Variants in USH2A observed in about 807,000 individuals in gnomAD.
The protein encoded by USH2A is Usher syndrome 2A (autosomal recessive, mild).
In USH2A, 443 loss-of-function variants were observed where a neutral mutation model predicts 538.9. The observed-to-expected ratio is 0.82, with a 90% confidence interval of 0.76 to 0.89. USH2A has a LOEUF of 0.89. Ranked by LOEUF, USH2A falls within the 40% of genes least tolerant of loss-of-function variation. The pLI is 0.00. For synonymous variants in USH2A, 2,413 were observed against 2,273.5 expected, an observed-to-expected ratio of 1.06 and a Z score of -1.75; for missense variants, 6,633 against 6,324.8, an observed-to-expected ratio of 1.05 and a Z score of -1.65.
chr1:216,235,459 T>G (rs2035789904), intron 13 of USH2A, among the ~76,000 whole-genome samples: 1 of 152,206 alleles, frequency 6.6e-6, no homozygotes, highest in South Asian at 2.1e-4. Flanking sequence ...TTTCCCATAT[T>G]ATTTAGCTGA....
chr1:216,023,370 G>T lies in USH2A; in HGVS notation c.6326-22808C>A, dbSNP rs78028600. Among the ~76,000 whole-genome samples, 507 of 142,354 alleles carry T rather than the reference G, an allele frequency of 3.6e-3. 2 individuals are homozygous for T. Among genetic ancestry groups the T allele is most frequent in the African/African-American group, 0.012 (471 of 38,374 alleles). 93.4% of individuals were successfully genotyped at this position (142,354 alleles called of 152,430 possible). ...AATACAGTTTGTAGGTGATAAAAGA[G>T]ACAGGAGATTTGGGTCTCTTTCTCC... On this transcript the variant is annotated intron_variant, in intron 32 of 71. Coordinates refer to ENST00000307340, the MANE Select transcript of USH2A (RefSeq NM_206933.4).
chr1:215,903,107 G>A (rs149925178), intron 38 of USH2A, among the ~76,000 whole-genome samples: 1 of 152,140 alleles, frequency 6.6e-6, no homozygotes, highest in African/African-American at 2.4e-5. Flanking sequence ...AACTGAGAAG[G>A]TGCAGACTGG....
chr1:215,741,566 T>G (rs752977169), intron 59 of USH2A, 29 bp from the exon 60 acceptor site: 29 of 1,609,250 alleles, frequency 1.8e-5, no homozygotes, highest in Non-Finnish European at 2.4e-5. Flanking sequence ...GAGGTCTTTA[T>G]TATTTTTCAA....
intron 3 of USH2A, among the ~76,000 whole-genome samples, chr1:216,387,748 A>G (rs144851480): frequency 1.3e-5 from 2 of 152,304 alleles, no homozygotes; most frequent in Non-Finnish European, 2.9e-5. Context: ...AATGTGTCAC[A>G]GGGTTTTTAA....
chr1:216,003,677 G>C (rs1175763924), intron 32 of USH2A, among the ~76,000 whole-genome samples: 1 of 152,084 alleles, frequency 6.6e-6, no homozygotes, highest in Non-Finnish European at 1.5e-5. Context: ...GTAAGTTAGA[G>C]ATGATATTAG....
intron 45 of USH2A, among the ~76,000 whole-genome samples, chr1:215,844,880 CA>C (rs1048827601): frequency 2.8e-4 from 43 of 152,080 alleles, no homozygotes; most frequent in African/African-American, 9.6e-4. Context: ...GCTCCTTGAG[CA>C]AAAAATAAAA....
At chr1:216,093,521 C>T (rs2032355835) in intron 22 of USH2A, among the ~76,000 whole-genome samples, 2 of 152,136 alleles carry the variant, frequency 1.3e-5, no homozygotes, top group African/African-American at 4.8e-5. Flanking sequence ...AACAACTAGA[C>T]CTGCCAGATG....
At chr1:216,347,410 A>G (rs2038199306) in intron 4 of USH2A, among the ~76,000 whole-genome samples, 1 of 152,080 alleles carries the variant, frequency 6.6e-6, no homozygotes, top group Admixed American at 6.6e-5. Flanking sequence ...AACCTTTAAT[A>G]TTTGACAAGC....
At chr1:216,128,562 T>A (rs774634604) in intron 21 of USH2A, among the ~76,000 whole-genome samples, 6 of 152,092 alleles carry the variant, frequency 3.9e-5, no homozygotes, top group Non-Finnish European at 7.4e-5. Context: ...TTCCAAACTG[T>A]ATTCTTTTTC....
At chr1:216,233,394 C>T (rs2035740875) in intron 13 of USH2A, among the ~76,000 whole-genome samples, 1 of 152,116 alleles carries the variant, frequency 6.6e-6, no homozygotes, top group East Asian at 1.9e-4. Flanking sequence ...ATACCTGTTA[C>T]AAATGCATAG....
At chr1:215,884,397 T>C (rs1346984564) in intron 41 of USH2A, among the ~76,000 whole-genome samples, 1 of 152,234 alleles carries the variant, frequency 6.6e-6, no homozygotes, top group Non-Finnish European at 1.5e-5. Context: ...TTTCCATTTG[T>C]TGCAGTGTAA....
chr1:216,256,035 C>G (rs1177448858), intron 11 of USH2A, among the ~76,000 whole-genome samples: 1 of 152,030 alleles, frequency 6.6e-6, no homozygotes, highest in Non-Finnish European at 1.5e-5. Context: ...TTCATGTTTT[C>G]TCATATTAAT....
intron 42 of USH2A, 66 bp from the exon 43 acceptor site, chr1:215,877,946 G>C: frequency 6.2e-7 from 1 of 1,607,830 alleles, no homozygotes; most frequent in Non-Finnish European, 8.5e-7. Flanking sequence ...CCAAAACTCA[G>C]GCTGTTCTGT....
chr1:215,787,936 T>C (rs1293221750), intron 51 of USH2A, among the ~76,000 whole-genome samples: 1 of 152,032 alleles, frequency 6.6e-6, no homozygotes, highest in Non-Finnish European at 1.5e-5. Context: ...CCCAGCTACT[T>C]GGCAGGTTGA....
intron 3 of USH2A, among the ~76,000 whole-genome samples, chr1:216,395,423 A>G (rs2039194196): frequency 6.6e-6 from 1 of 152,194 alleles, no homozygotes; most frequent in Non-Finnish European, 1.5e-5. Context: ...AATTCTTATT[A>G]GCTACCCTTA....
intron 35 of USH2A, among the ~76,000 whole-genome samples, chr1:215,981,189 G>T (rs1022794746): frequency 6.6e-6 from 1 of 151,946 alleles, no homozygotes; most frequent in Non-Finnish European, 1.5e-5. Context: ...ACAGAAGTTG[G>T]CCCATTTTCT....
At chr1:215,747,866 T>C (rs1187046415) in intron 58 of USH2A, among the ~76,000 whole-genome samples, 1 of 142,918 alleles carries the variant, frequency 7.0e-6, no homozygotes, top group Non-Finnish European at 1.5e-5. Context: ...GGTTTTTTGT[T>C]TTTTTTTGTT....
chr1:216,144,943 A>G (rs897732105), intron 21 of USH2A, among the ~76,000 whole-genome samples: 4 of 152,164 alleles, frequency 2.6e-5, no homozygotes, highest in African/African-American at 7.2e-5. Context: ...TTTGAGCAAA[A>G]TAGGAAATGT....
chr1:216,249,153 C>T (rs1017748716), intron 12 of USH2A, among the ~76,000 whole-genome samples: 1 of 151,508 alleles, frequency 6.6e-6, no homozygotes, highest in Non-Finnish European at 1.5e-5. Flanking sequence ...ATATGCATAT[C>T]AAGTTTTTGT....
Sources: gnomAD v4.1 joint callset for allele counts (sites outside exome capture counted in the v4.1 genomes callset) on GRCh38, gnomAD v4.1.1 for gene constraint, MANE v1.5 for transcripts, NCBI Gene and HGNC (gene_info 2026-07-23, HGNC 2026-07-21) for gene names.